Variants in PPM1H observed in about 807,000 individuals in gnomAD.
The protein encoded by PPM1H is protein phosphatase, Mg2+/Mn2+ dependent 1H.
PPM1H carries 27 observed loss-of-function variants against 54.9 expected under a neutral mutation model. The observed-to-expected ratio is 0.49, with a 90% CI of 0.36 to 0.68. The LOEUF (loss-of-function observed/expected upper bound fraction) is 0.68. Among genes scored for constraint, PPM1H ranks in the 30% least tolerant of loss-of-function variants. The pLI, the probability that PPM1H is intolerant of heterozygous loss-of-function variation, is 0.00. For synonymous variants in PPM1H, 305 were observed against 270.8 expected (o/e 1.13, Z -1.24); for missense variants, 596 against 667.8 (o/e 0.89, Z 1.19).
chr12:62,891,407 T>C (rs1870792746), intron 1 of PPM1H, among the ~76,000 whole-genome samples: 1 of 152,244 alleles, frequency 6.6e-6, no homozygotes, highest in Non-Finnish European at 1.5e-5. Flanking sequence ...TTTACAATTA[T>C]TGAAGAAGCT....
At chr12:62,682,517 T>TTTTTG (rs2076024701) in intron 8 of PPM1H, among the ~76,000 whole-genome samples, 1 of 152,218 alleles carries the variant, frequency 6.6e-6, no homozygotes, top group African/African-American at 2.4e-5. Flanking sequence ...GTAGGAATTC[T>TTTTTG]AAGAGACAAG....
At chr12:62,861,908 T>C (rs1309960006) in intron 1 of PPM1H, among the ~76,000 whole-genome samples, 1 of 152,220 alleles carries the variant, frequency 6.6e-6, no homozygotes, top group Non-Finnish European at 1.5e-5. Context: ...GAATCTGTAT[T>C]ATGAAAAATT....
At chr12:62,850,609 G>C (rs921624920) in intron 1 of PPM1H, 3 of 149,334 alleles carry the variant, frequency 2.0e-5, no homozygotes, top group Non-Finnish European at 4.4e-5. Context: ...TATTGGTATT[G>C]ACATGTTGAA....
intron 3 of PPM1H, 100 bp downstream of exon 3, chr12:62,801,716 G>A: frequency 1.5e-6 from 2 of 1,316,940 alleles, no homozygotes; most frequent in African/African-American, 1.5e-5. Flanking sequence ...GAGCCAGGCA[G>A]CAAAACCGTG....
In PPM1H at chr12:62,932,190, C is replaced by G. The variant is rs143236464; in HGVS notation, c.245+2302G>C. 1.3e-4 allele frequency among the ~76,000 whole-genome samples: 19 copies of G among 150,918 alleles called. No individual in the cohort carries two copies. In the East Asian group the frequency reaches 3.5e-3, roughly 28 times the overall value. ...ATTTTACAGTGGCCTTCCTAGGCTT[C>G]AAGTTGAATATCTCTCATGTTTTAT... On this transcript the variant is annotated intron_variant, in intron 1 of 9. Coordinates refer to ENST00000228705, the MANE Select transcript of PPM1H (RefSeq NM_020700.2).
At chr12:62,868,869 C>A (rs765986629) in intron 1 of PPM1H, among the ~76,000 whole-genome samples, 18 of 152,234 alleles carry the variant, frequency 1.2e-4, no homozygotes, top group Non-Finnish European at 2.2e-4. Flanking sequence ...CCCAATTTCT[C>A]ACTTAAGAAG....
intron 4 of PPM1H, among the ~76,000 whole-genome samples, chr12:62,751,805 A>C (rs2076443879): frequency 6.6e-6 from 1 of 152,216 alleles, no homozygotes. Flanking sequence ...TGTGGAAGTA[A>C]ACAGGACCTC....
intron 2 of PPM1H, among the ~76,000 whole-genome samples, chr12:62,817,978 A>G (rs1248656452): frequency 6.6e-6 from 1 of 152,172 alleles, no homozygotes; most frequent in Non-Finnish European, 1.5e-5. Flanking sequence ...ACACACTTTG[A>G]TGTGTTTTGG....
chr12:62,811,063 T>C (rs11174661), intron 2 of PPM1H, among the ~76,000 whole-genome samples: 9,971 of 152,144 alleles, frequency 0.066, 435 homozygotes, highest in Middle Eastern at 0.12. Context: ...TGGCATCACG[T>C]GAGTGGATAA....
At chr12:62,725,341 C>G (rs2076284328) in intron 5 of PPM1H, among the ~76,000 whole-genome samples, 1 of 152,216 alleles carries the variant, frequency 6.6e-6, no homozygotes, top group Non-Finnish European at 1.5e-5. Context: ...AGTCTCTCAA[C>G]TTCCCCTTGT....
rs145296930 is a variant in PPM1H, at chr12:62,780,583, G to C, written c.869+7643C>G. Among the ~76,000 whole-genome samples, 3 of 152,306 alleles carry C rather than the reference G, an allele frequency of 2.0e-5. No homozygotes were observed. The East Asian group carries it at 5.8e-4, about 29-fold the overall frequency. On this transcript the variant is annotated intron_variant, in intron 4 of 9. Coordinates refer to ENST00000228705, the MANE Select transcript of PPM1H (RefSeq NM_020700.2). ...GGCCTCCTAAAGTGCTGGGATTACA[G>C]ACATGAGCCACCGTAACTGACTGCC...
chr12:62,674,729 G>A (rs1039622720), intron 8 of PPM1H, among the ~76,000 whole-genome samples: 2 of 152,250 alleles, frequency 1.3e-5, no homozygotes, highest in African/African-American at 4.8e-5. Context: ...CTGATTCCTT[G>A]GATGGACGAG....
chr12:62,921,287 T>C lies in PPM1H; in HGVS notation c.245+13205A>G, dbSNP rs185056407. On this transcript the variant is annotated intron_variant, in intron 1 of 9. Transcript: ENST00000228705. Reference sequence around the variant, plus strand: ...AAGATTTTTTTCCTTCCTATACTTATACAAAAAAGATCACAGGGTAAAGAT... The same window carrying C: ...AAGATTTTTTTCCTTCCTATACTTACACAAAAAAGATCACAGGGTAAAGAT... 2.0e-4 allele frequency among the ~76,000 whole-genome samples: 30 copies of C among 152,252 alleles called. No homozygotes were observed. In the East Asian group the frequency reaches 2.7e-3, roughly 14 times the overall value.
At chr12:62,888,586 G>A (rs1245582685) in intron 1 of PPM1H, among the ~76,000 whole-genome samples, 1 of 152,184 alleles carries the variant, frequency 6.6e-6, no homozygotes. Context: ...TTTCAAGGAG[G>A]AAGTGGGCCA....
chr12:62,677,862 T>A lies in PPM1H; in HGVS notation c.1246-10533A>T, dbSNP rs370682396. ...CTTTGGATCACTTACTTCAGAATTATCCAAAATGTAAAAATGCTCAGAACT... is the reference window on the plus strand; with the variant it reads ...CTTTGGATCACTTACTTCAGAATTAACCAAAATGTAAAAATGCTCAGAACT... On this transcript the variant is annotated intron_variant, in intron 8 of 9. Transcript: ENST00000228705. Among the ~76,000 whole-genome samples, 22 of 152,308 alleles carry A rather than the reference T, an allele frequency of 1.4e-4. No homozygotes were observed. In the East Asian group the frequency reaches 3.7e-3, roughly 25 times the overall value.
chr12:62,850,758 G>A (rs1462838241), intron 1 of PPM1H: 1 of 150,780 alleles, frequency 6.6e-6, no homozygotes, highest in Non-Finnish European at 1.5e-5. Context: ...CATGAATGCA[G>A]TCCCCCACTA....
intron 8 of PPM1H, among the ~76,000 whole-genome samples, chr12:62,668,243 G>A (rs558177284): frequency 1.8e-4 from 27 of 152,300 alleles, no homozygotes; most frequent in African/African-American, 6.5e-4. Flanking sequence ...GGTGTGGAGA[G>A]GGATTTGGGG....
intron 8 of PPM1H, among the ~76,000 whole-genome samples, chr12:62,675,845 G>C (rs1249358228): frequency 6.6e-6 from 1 of 152,224 alleles, no homozygotes; most frequent in Admixed American, 6.5e-5. Flanking sequence ...TATTATGCAT[G>C]CTGCCTTAGA....
intron 1 of PPM1H, among the ~76,000 whole-genome samples, chr12:62,908,526 G>A (rs1871368544): frequency 6.6e-6 from 1 of 151,956 alleles, no homozygotes. Context: ...TTTACTATCT[G>A]CACTCTGAAT....
Sources: gnomAD v4.1 joint callset for allele counts (sites outside exome capture counted in the v4.1 genomes callset) on GRCh38, gnomAD v4.1.1 for gene constraint, MANE v1.5 for transcripts, NCBI Gene and HGNC (gene_info 2026-07-23, HGNC 2026-07-21) for gene names.